The following NOD2 variants were observed in gnomAD, a reference collection of about 807,000 sequenced individuals.
The protein encoded by NOD2 is nucleotide binding oligomerization domain containing 2.
In NOD2, 86 loss-of-function variants were observed where a neutral mutation model predicts 90.9. That is an observed-to-expected ratio of 0.95 (90% CI 0.79 to 1.13). NOD2 has a LOEUF of 1.13. Ranked by LOEUF, NOD2 falls within the 50% of genes most tolerant of loss-of-function variation. The pLI is 0.00. For synonymous variants in NOD2, 581 were observed against 554.6 expected, an observed-to-expected ratio of 1.05 and a Z score of -0.67; for missense variants, 1,238 against 1,283.8, an observed-to-expected ratio of 0.96 and a Z score of 0.55.
At chr16:50,730,300 T>A (rs1421549904) in intron 11 of NOD2, among the ~76,000 whole-genome samples, 1 of 152,216 alleles carries the variant, frequency 6.6e-6, no homozygotes, top group Non-Finnish European at 1.5e-5. Context: ...AGGAGCAGGT[T>A]GCACAGTGTT....
chr16:50,697,425 T>G, intron 1 of NOD2: 1 of 1,060,402 alleles, frequency 9.4e-7, no homozygotes, highest in Non-Finnish European at 1.4e-6. Context: ...CTGACTCTGT[T>G]TCTGGGCTGT....
chr16:50,725,100 T>C lies in NOD2; in HGVS notation c.2802-389T>C, dbSNP rs563486787. 4.2e-4 allele frequency among the ~76,000 whole-genome samples: 64 copies of C among 152,344 alleles called. 1 individual carries two copies. In the South Asian group the frequency reaches 0.013, roughly 32 times the overall value. ...AGCCCCACCTGTCGACTTCCCCTTA[T>C]GTATCAACCATGTGTATGTCACTTG... On this transcript the variant is annotated intron_variant, in intron 9 of 11. Coordinates refer to ENST00000647318, the MANE Select transcript of NOD2 (RefSeq NM_001370466.1).
At chr16:50,700,931 G>C (rs566238054) in intron 2 of NOD2, among the ~76,000 whole-genome samples, 24 of 152,314 alleles carry the variant, frequency 1.6e-4, no homozygotes, top group African/African-American at 5.8e-4. Context: ...ACTCAGCAGA[G>C]ACCAGAAGGT....
chr16:50,710,981 A>C lies in NOD2; in HGVS notation c.989A>C (p.Asp330Ala), dbSNP rs104895469. The change falls in exon 4 of 12, where the codon GAT (aspartate) becomes GCT (alanine). Residue 330 changes from aspartate (D) to alanine (A), a missense_variant. By Grantham distance (126) the Asp-to-Ala change is moderately radical. Transcript: ENST00000647318. ...TLLFEHCCWP[D>A]VGQEDIFQLL... ...CTCTTTGAGCACTGCTGTTGGCCTG[A>C]TGTTGGTCAAGAAGACATCTTCCAG... The C allele has an allele frequency of 1.3e-4, 211 of 1,614,070 alleles. No homozygotes were observed. Among genetic ancestry groups the C allele is most frequent in the Admixed American group, 1.8e-4 (11 of 60,008 alleles).
At position 50,732,251 on chromosome 16, in the gene NOD2, A is replaced by G. The variant is rs566233506; in HGVS notation, c.*432A>G. On this transcript the variant is annotated 3_prime_UTR_variant, in exon 12 of 12. Coordinates refer to ENST00000647318, the MANE Select transcript of NOD2 (RefSeq NM_001370466.1). Reference sequence around the variant, plus strand: ...TGATGAAGAGGAGTACACAGAACACATAATTCAGGAAGCAGCTTTCCCCAT... The same window carrying G: ...TGATGAAGAGGAGTACACAGAACACGTAATTCAGGAAGCAGCTTTCCCCAT... 44 of 250,736 alleles carry G rather than the reference A, an allele frequency of 1.8e-4. No homozygotes were observed. Among genetic ancestry groups the G allele is most frequent in the African/African-American group, 8.4e-4 (38 of 45,346 alleles). 15.5% of individuals were successfully genotyped at this position (250,736 alleles called of 1,614,324 possible).
chr16:50,700,684 G>A (rs370406032), intron 2 of NOD2, among the ~76,000 whole-genome samples: 3 of 152,278 alleles, frequency 2.0e-5, no homozygotes, highest in East Asian at 1.9e-4. Flanking sequence ...ACCACTGGCT[G>A]CTATTTATTA....
rs1473990238 is a variant in NOD2 at position 50,723,262 on chromosome 16, C to G, written c.2718-39C>G. ...AGGTTAGCTCATCTCTGAGGTCTTT[C>G]CCTGCTCTGACATACTTTTGTTCCA... On this transcript the variant is annotated intron_variant, in intron 8 of 11. Coordinates refer to ENST00000647318, the MANE Select transcript of NOD2 (RefSeq NM_001370466.1). 15 of 1,592,080 alleles carry G rather than the reference C, an allele frequency of 9.4e-6. No individual in the cohort carries two copies. The Admixed American group carries it at 2.5e-4, about 27-fold the overall frequency.
At chr16:50,730,656 G>T (rs912390506) in intron 11 of NOD2, among the ~76,000 whole-genome samples, 2 of 152,170 alleles carry the variant, frequency 1.3e-5, no homozygotes. Flanking sequence ...TCTCAAAAGA[G>T]CTGGGAACTC....
intron 1 of NOD2, among the ~76,000 whole-genome samples, chr16:50,695,319 G>A (rs370158939): frequency 2.0e-5 from 3 of 152,336 alleles, no homozygotes; most frequent in East Asian, 1.9e-4. Context: ...TGTCGATAGG[G>A]TTTGGGGTGC....
chr16:50,720,156 T>C, intron 7 of NOD2, 148 bp downstream of exon 7: 1 of 678,086 alleles, frequency 1.5e-6, no homozygotes. Flanking sequence ...TGGGCGGCCC[T>C]TGACTGCCAC....
At chr16:50,694,666 A>G (rs750509243) in intron 1 of NOD2, among the ~76,000 whole-genome samples, 6 of 152,118 alleles carry the variant, frequency 3.9e-5, no homozygotes, top group Non-Finnish European at 7.4e-5. Flanking sequence ...TGTGGCTTAC[A>G]GATTCTACAC....
Position 50,707,923 on chromosome 16 carries a change from T to G in NOD2, c.528T>G (p.Val176=), listed in dbSNP as rs1200596406. 6.2e-7 allele frequency: 1 copy of G among 1,614,064 alleles called. No individual in the cohort carries two copies. The highest frequency in any genetic ancestry group is 1.1e-5 in the South Asian group (1 of 91,074). The change falls in exon 3 of 12, where the codon GTT becomes GTG. Residue 176 remains valine, a synonymous_variant. Coordinates refer to ENST00000647318, the MANE Select transcript of NOD2 (RefSeq NM_001370466.1). ...TGGCTGCCTTCCTTCTACAACATGT[T>G]CAGGAATTACCAGTCCCATTGGCCC... The part of the protein sequence containing the change: ...NGLAAFLLQH[V]QELPVPLALP...
chr16:50,731,611 C>G, intron 11 of NOD2, 136 bp from the exon 12 acceptor site: 1 of 707,898 alleles, frequency 1.4e-6, no homozygotes, highest in South Asian at 1.5e-5. Flanking sequence ...GCCCTGACTT[C>G]CCTGCAAGAA....
intron 11 of NOD2, among the ~76,000 whole-genome samples, 184 bp from the exon 12 acceptor site, chr16:50,731,563 G>A (rs1031254909): frequency 6.6e-6 from 1 of 152,176 alleles, no homozygotes; most frequent in Non-Finnish European, 1.5e-5. Flanking sequence ...TGTTCAGAAT[G>A]CTTCCTGAGC....
At chr16:50,701,366 C>G (rs1036649659) in intron 2 of NOD2, among the ~76,000 whole-genome samples, 2 of 152,308 alleles carry the variant, frequency 1.3e-5, no homozygotes, top group East Asian at 3.9e-4. Flanking sequence ...TTGTTTTTGT[C>G]TGTTTTCCAA....
chr16:50,709,560 TG>T (rs1964364229), intron 3 of NOD2, among the ~76,000 whole-genome samples: 1 of 152,164 alleles, frequency 6.6e-6, no homozygotes, highest in Admixed American at 6.5e-5. Flanking sequence ...TCTCCCTGCA[TG>T]GGGTGCATGG....
chr16:50,700,361 C>G (rs1431758161), intron 2 of NOD2, among the ~76,000 whole-genome samples: 1 of 152,074 alleles, frequency 6.6e-6, no homozygotes, highest in East Asian at 1.9e-4. Context: ...TGGCTTTAAG[C>G]AATCCTCCCG....
chr16:50,723,085 T>A (rs1396773906), intron 8 of NOD2, among the ~76,000 whole-genome samples: 32 of 116,898 alleles, frequency 2.7e-4, no homozygotes, highest in Admixed American at 6.3e-4. Flanking sequence ...CTAAAAAAGC[T>A]AAAAAAAAAA....
rs765080035 is a variant in NOD2, at chr16:50,719,949, C to T, written c.2574C>T (p.Ala858=). The T allele has an allele frequency of 9.9e-6, 16 of 1,614,068 alleles. No homozygotes were observed. The highest frequency in any genetic ancestry group is 8.0e-5 in the African/African-American group (6 of 74,948). The change falls in exon 7 of 12, where the codon GCC becomes GCT. Residue 858 remains alanine, a synonymous_variant. Coordinates refer to ENST00000647318, the MANE Select transcript of NOD2 (RefSeq NM_001370466.1). ...ALRLGNNYIT[A]AGAQVLAEGL... ...GGCTGGGGAATAACTACATCACTGC[C>T]GCGGGAGCCCAAGTGCTGGCCGAGG...
Sources: gnomAD v4.1 joint callset for allele counts (sites outside exome capture counted in the v4.1 genomes callset) on GRCh38, gnomAD v4.1.1 for gene constraint, MANE v1.5 for transcripts, NCBI Gene and HGNC (gene_info 2026-07-23, HGNC 2026-07-21) for gene names.